Variants in FGF13 observed in about 807,000 individuals in gnomAD.
FGF13 encodes fibroblast growth factor homologous factor 2.
Under a neutral mutation model 19.5 loss-of-function variants are expected in FGF13, and 2 were observed. That is an observed-to-expected ratio of 0.10 (90% CI 0.04 to 0.32). FGF13 has a LOEUF of 0.32. Ranked by LOEUF, FGF13 falls within the 10% of genes least tolerant of loss-of-function variation. The pLI is 1.00. For missense variants in FGF13, 113 were observed against 192.7 expected (o/e 0.59, Z 2.45); for synonymous variants, 72 against 76.9 (o/e 0.94, Z 0.33).
At chrX:138,887,684 T>G (rs2091457449) in intron 1 of FGF13, among the ~76,000 whole-genome samples, 1 of 111,837 alleles carries the variant, frequency 8.9e-6, no homozygotes, top group Admixed American at 9.5e-5. Flanking sequence ...AATGACTCAT[T>G]AAATAAATTA....
At chrX:138,850,218 G>GATAAATGT (rs1429411397) in intron 3 of FGF13, among the ~76,000 whole-genome samples, 1 of 111,705 alleles carries the variant, frequency 9.0e-6, no homozygotes, top group Non-Finnish European at 1.9e-5. Context: ...ATAAGAGAAT[G>GATAAATGT]ATAAATGTCC....
chrX:138,720,823 A>T (rs1322616593), intron 1 of FGF13, among the ~76,000 whole-genome samples: 1 of 112,033 alleles, frequency 8.9e-6, no homozygotes, highest in Non-Finnish European at 1.9e-5. Flanking sequence ...TATTCTTCTT[A>T]CTAGGCCATA....
chrX:138,953,189 C>A (rs1220936534), intron 1 of FGF13, among the ~76,000 whole-genome samples: 19 of 110,828 alleles, frequency 1.7e-4, no homozygotes, highest in African/African-American at 5.6e-4. Context: ...AAATGTCCAA[C>A]AATGATAGAC....
At chrX:138,889,924 CT>C in intron 1 of FGF13, among the ~76,000 whole-genome samples, 1 of 105,458 alleles carries the variant, frequency 9.5e-6, no homozygotes, top group East Asian at 3.0e-4. Context: ...CAACCTCTCC[CT>C]TTTGAACTTT....
upstream of FGF13, chrX:139,203,931 G>A (rs913462532): frequency 3.1e-6 from 2 of 644,018 alleles, no homozygotes; most frequent in East Asian, 3.4e-5. Context: ...TTTCTCCCGG[G>A]GTCGCAGAGG....
intron 3 of FGF13, among the ~76,000 whole-genome samples, chrX:138,786,980 C>A (rs371895508): frequency 8.9e-6 from 1 of 112,313 alleles, no homozygotes; most frequent in South Asian, 3.7e-4. Context: ...AGTGAAGCAA[C>A]GCTTTAATCT....
intron 1 of FGF13, among the ~76,000 whole-genome samples, chrX:139,083,186 TCTC>T (rs2083382183): frequency 9.0e-6 from 1 of 111,561 alleles, no homozygotes; most frequent in Non-Finnish European, 1.9e-5. Context: ...CCTTTCTTTT[TCTC>T]CTCCTCCTAT....
intron 3 of FGF13, among the ~76,000 whole-genome samples, chrX:138,799,230 G>C (rs993944622): frequency 3.6e-5 from 4 of 111,642 alleles, no homozygotes; most frequent in African/African-American, 9.8e-5. Flanking sequence ...CACTGCTTTA[G>C]CTGTGTCCCA....
intron 1 of FGF13, among the ~76,000 whole-genome samples, chrX:139,104,038 T>C (rs2083537786): frequency 9.0e-6 from 1 of 111,555 alleles, no homozygotes; most frequent in African/African-American, 3.3e-5. Flanking sequence ...AAGTTTCTCA[T>C]CTGCAAAATG....
chrX:138,849,981 G>C (rs1485872110), intron 3 of FGF13, among the ~76,000 whole-genome samples: 2 of 111,390 alleles, frequency 1.8e-5, no homozygotes, highest in Non-Finnish European at 3.8e-5. Context: ...CAGGAGAAAT[G>C]TCTGCTCCAA....
At chrX:138,906,102 G>T (rs1023970894) in intron 1 of FGF13, among the ~76,000 whole-genome samples, 7 of 111,645 alleles carry the variant, frequency 6.3e-5, no homozygotes, top group Non-Finnish European at 1.3e-4. Flanking sequence ...TTAAGTGAAT[G>T]CTCAGTCTGA....
At position 139,171,376 on chromosome X, in the gene FGF13, A is replaced by G. The variant is rs1376738459; in HGVS notation, c.-113+32040T>C. 1.2e-4 allele frequency among the ~76,000 whole-genome samples: 14 copies of G among 112,347 alleles called. No homozygotes were observed. The Admixed American group carries it at 1.3e-3, about 11-fold the overall frequency. ...TTTATTTTAGGTTGTACAACAGAGT[A>G]CCCAAAAATGCTGAAAAAACTTGTG... On this transcript the variant is annotated intron_variant, in intron 1 of 2. Coordinates refer to the FGF13 transcript ENST00000421460.
intron 1 of FGF13, among the ~76,000 whole-genome samples, chrX:138,984,613 AGGATGAGGAAGAG>A: frequency 1.8e-5 from 1 of 56,376 alleles, no homozygotes; most frequent in African/African-American, 7.0e-5. Flanking sequence ...GAGGAGGAGG[AGGATGAGGAAGAG>A]GAGGAGGAGG....
chrX:139,084,387 GT>G (rs1483197954), intron 1 of FGF13, among the ~76,000 whole-genome samples: 1 of 111,835 alleles, frequency 8.9e-6, no homozygotes, highest in African/African-American at 3.3e-5. Flanking sequence ...CCTTGGACAA[GT>G]CCCTTTCCTT....
At chrX:139,090,857 G>A (rs2083435666) in intron 1 of FGF13, among the ~76,000 whole-genome samples, 1 of 100,957 alleles carries the variant, frequency 9.9e-6, no homozygotes, top group African/African-American at 3.7e-5. Context: ...CAGCAGGATT[G>A]TTTGAGCCCG....
chrX:138,910,250 G>A (rs2091580205), intron 1 of FGF13, among the ~76,000 whole-genome samples: 3 of 111,016 alleles, frequency 2.7e-5, no homozygotes, highest in Admixed American at 1.9e-4. Flanking sequence ...AATACCCTCC[G>A]TCATGATCAG....
intron 1 of FGF13, among the ~76,000 whole-genome samples, chrX:139,191,306 A>G (rs945942386): frequency 1.8e-5 from 2 of 112,472 alleles, no homozygotes; most frequent in African/African-American, 6.5e-5. Flanking sequence ...GTTTGGAGAC[A>G]ATGGCCTCAG....
intron 3 of FGF13, among the ~76,000 whole-genome samples, chrX:138,638,425 A>G (rs2089207533): frequency 9.0e-6 from 1 of 111,209 alleles, no homozygotes; most frequent in South Asian, 3.8e-4. Context: ...CTCAAATATG[A>G]CTGTTTCCAG....
chrX:138,808,978 A>G (rs888080342), intron 3 of FGF13, among the ~76,000 whole-genome samples: 1 of 111,802 alleles, frequency 8.9e-6, no homozygotes, highest in African/African-American at 3.3e-5. Flanking sequence ...AAAAAAGTCC[A>G]GGACCTGATG....
Sources: gnomAD v4.1 joint callset for allele counts (sites outside exome capture counted in the v4.1 genomes callset) on GRCh38, gnomAD v4.1.1 for gene constraint, MANE v1.5 for transcripts, NCBI Gene and HGNC (gene_info 2026-07-23, HGNC 2026-07-21) for gene names.